Variants in PRSS3 observed in about 807,000 individuals in gnomAD.
The protein encoded by PRSS3 is trypsin-3.
PRSS3 carries 14 observed loss-of-function variants against 20.8 expected under a neutral mutation model. The observed-to-expected ratio is 0.67, with a 90% CI of 0.44 to 1.05. The LOEUF is 1.05. Among genes scored for constraint, PRSS3 ranks in the 50% least tolerant of loss-of-function variants. The probability of loss-of-function intolerance (pLI) is 0.00; values close to 1 mark genes in which losing one functional copy is unlikely to be tolerated. For missense variants in PRSS3, 237 were observed against 306.4 expected, an observed-to-expected ratio of 0.77 and a Z score of 1.69; for synonymous variants, 91 against 117.6, an observed-to-expected ratio of 0.77 and a Z score of 1.46.
chr9:33,771,805 G>GT lies in PRSS3; in HGVS notation c.-53+21085dup, dbSNP rs200180749. The stretch of plus-strand genomic sequence containing the variant: ...TTTTCTTTTCTTTTCTTTTCTTTTT[G>GT]TTTTTTTGTTTTTTTGGTAGAAATG... On this transcript the variant is annotated intron_variant, in intron 1 of 5. Transcript: ENST00000342836. 7.3e-3 allele frequency among the ~76,000 whole-genome samples: 1,054 copies of GT among 144,104 alleles called. 19 individuals are homozygous for GT. Among genetic ancestry groups the GT allele is most frequent in the African/African-American group, 0.024 (960 of 39,298 alleles). 94.5% of individuals were successfully genotyped at this position (144,104 alleles called of 152,430 possible).
At chr9:33,784,721 C>T (rs1824316441) in intron 1 of PRSS3, among the ~76,000 whole-genome samples, 1 of 152,116 alleles carries the variant, frequency 6.6e-6, no homozygotes, top group African/African-American at 2.4e-5. Flanking sequence ...TTTTTGCAAG[C>T]CTGTCTTTCT....
At position 33,763,365 on chromosome 9, in the gene PRSS3, A is replaced by C. The variant is rs532348231; in HGVS notation, c.-53+12638A>C. 4.6e-5 allele frequency among the ~76,000 whole-genome samples: 7 copies of C among 152,294 alleles called. No individual in the cohort carries two copies. The East Asian group carries it at 1.2e-3, about 25-fold the overall frequency. Reference sequence around the variant, plus strand: ...CTAACAAAATTTTAAGATTTAATGCATTCTATCCATGCAAGAGAATTACAT... The same window carrying C: ...CTAACAAAATTTTAAGATTTAATGCCTTCTATCCATGCAAGAGAATTACAT... On this transcript the variant is annotated intron_variant, in intron 1 of 5. Coordinates refer to the PRSS3 transcript ENST00000342836.
At chr9:33,780,167 G>GT (rs915111126) in intron 1 of PRSS3, among the ~76,000 whole-genome samples, 9 of 152,114 alleles carry the variant, frequency 5.9e-5, no homozygotes, top group Non-Finnish European at 8.8e-5. Flanking sequence ...GGCAGCTAGA[G>GT]TGAAGGGTCA....
upstream of PRSS3, chr9:33,794,691 G>T: frequency 6.7e-7 from 1 of 1,491,650 alleles, no homozygotes; most frequent in Non-Finnish European, 8.9e-7. Context: ...ATGTCATTCT[G>T]GTTCAGGCTG....
At chr9:33,757,897 A>G (rs1264269950) in intron 1 of PRSS3, among the ~76,000 whole-genome samples, 1 of 152,200 alleles carries the variant, frequency 6.6e-6, no homozygotes, top group Non-Finnish European at 1.5e-5. Context: ...GAATAGCTAT[A>G]AGAAAACAAA....
chr9:33,792,655 C>A (rs1824686790), upstream of PRSS3, among the ~76,000 whole-genome samples: 1 of 152,242 alleles, frequency 6.6e-6, no homozygotes, highest in Non-Finnish European at 1.5e-5. Context: ...AACCTACTGG[C>A]TGTGTGGCCT....
chr9:33,768,216 A>G (rs1823529258), intron 1 of PRSS3, among the ~76,000 whole-genome samples: 1 of 152,230 alleles, frequency 6.6e-6, no homozygotes, highest in Non-Finnish European at 1.5e-5. Flanking sequence ...GCTGTGGCTC[A>G]CGCCTGTAAT....
At chr9:33,755,565 G>T (rs1307868955) in intron 1 of PRSS3, among the ~76,000 whole-genome samples, 2 of 152,002 alleles carry the variant, frequency 1.3e-5, no homozygotes, top group Non-Finnish European at 2.9e-5. Context: ...TCCCAATACG[G>T]TTATATCCTA....
chr9:33,750,774 G>C lies in PRSS3; in HGVS notation c.-53+47G>C, dbSNP rs750795968. On this transcript the variant is annotated intron_variant, in intron 1 of 5. Coordinates refer to the PRSS3 transcript ENST00000342836. This position sits in a 1 kb window ranked among gnomAD's most constrained non-coding sequence, Gnocchi z 4.8. ...GGGGCTTGAAACTGGAGGAGGGCTC[G>C]AAGGGAGAGGGAGCCCCGCCAAGGA... is the stretch of plus-strand genomic sequence containing the variant. The C allele has an allele frequency of 7.1e-7, 1 of 1,416,550 alleles. No individual in the cohort carries two copies. The highest frequency in any genetic ancestry group is 2.8e-5 in the East Asian group (1 of 35,822). 87.7% of individuals were successfully genotyped at this position (1,416,550 alleles called of 1,614,324 possible).
At chr9:33,779,998 A>G (rs776053847) in intron 1 of PRSS3, among the ~76,000 whole-genome samples, 7 of 151,958 alleles carry the variant, frequency 4.6e-5, no homozygotes, top group Non-Finnish European at 7.4e-5. Flanking sequence ...AATGTATTTG[A>G]AAAACACCAA....
Position 33,761,042 on chromosome 9 carries a change from T to C in PRSS3, c.-53+10315T>C, listed in dbSNP as rs550723134. Among the ~76,000 whole-genome samples the C allele has an allele frequency of 3.2e-4, 48 of 152,372 alleles. No individual in the cohort carries two copies. The South Asian group carries it at 9.5e-3, about 30-fold the overall frequency. ...GGTGAGAGTTACCCACTTTGTGTGCTATGCGCTAGGACTGCTACCAGTACG... is the reference window on the plus strand; with the variant it reads ...GGTGAGAGTTACCCACTTTGTGTGCCATGCGCTAGGACTGCTACCAGTACG... On this transcript the variant is annotated intron_variant, in intron 1 of 5. Coordinates refer to the PRSS3 transcript ENST00000342836.
upstream of PRSS3, chr9:33,794,746 G>GT: frequency 6.5e-7 from 1 of 1,547,300 alleles, no homozygotes; most frequent in Non-Finnish European, 8.7e-7. Context: ...CTAAGTGCAG[G>GT]TTGCCAGGAC....
upstream of PRSS3, among the ~76,000 whole-genome samples, chr9:33,792,768 T>C (rs559390478): frequency 6.6e-6 from 1 of 152,218 alleles, no homozygotes; most frequent in Non-Finnish European, 1.5e-5. Flanking sequence ...TCTTAACTTA[T>C]ATGAGTTACA....
intron 1 of PRSS3, among the ~76,000 whole-genome samples, chr9:33,765,814 A>C (rs7030892): frequency 0.038 from 5,775 of 152,342 alleles, 374 homozygotes; most frequent in African/African-American, 0.13. Flanking sequence ...GGATAAGGGG[A>C]GACTACTGCA....
At chr9:33,793,760 G>C, upstream of PRSS3, 2 of 864,928 alleles carry the variant, frequency 2.3e-6, no homozygotes, top group Non-Finnish European at 2.8e-6. Flanking sequence ...GGGCAAGACA[G>C]AATCCTTCTG....
At chr9:33,786,180 TTC>T (rs1824403164) in intron 1 of PRSS3, 1 of 465,546 alleles carries the variant, frequency 2.1e-6, no homozygotes, top group South Asian at 2.8e-5. Context: ...TGAGTTTCAC[TTC>T]TTAGTGCCTT....
At chr9:33,780,962 G>A (rs1341873566) in intron 1 of PRSS3, among the ~76,000 whole-genome samples, 2 of 152,210 alleles carry the variant, frequency 1.3e-5, no homozygotes, top group Non-Finnish European at 2.9e-5. Flanking sequence ...CACTGACAGT[G>A]TTAGACAGAT....
intron 1 of PRSS3, among the ~76,000 whole-genome samples, chr9:33,761,666 A>G (rs1823213733): frequency 6.6e-6 from 1 of 152,044 alleles, no homozygotes; most frequent in African/African-American, 2.4e-5. Context: ...AGATCACGCC[A>G]TTGCACTCTA....
intron 1 of PRSS3, among the ~76,000 whole-genome samples, chr9:33,773,018 C>T (rs886142983): frequency 2.2e-4 from 33 of 152,172 alleles, no homozygotes; most frequent in Non-Finnish European, 5.9e-5. Context: ...TTTTAAAGCA[C>T]CGTATCAAGT....
Sources: gnomAD v4.1 joint callset for allele counts (sites outside exome capture counted in the v4.1 genomes callset) on GRCh38, gnomAD v4.1.1 for gene constraint, Gnocchi (gnomAD v3.1) non-coding constraint, MANE v1.5 for transcripts, NCBI Gene and HGNC (gene_info 2026-07-23, HGNC 2026-07-21) for gene names.